NAT1: variants seen among roughly 807,000 people sequenced by gnomAD.
NAT1 encodes the protein N-acetyltransferase 1.
For missense variants in NAT1, 400 were observed against 339.2 expected, an observed-to-expected ratio of 1.18 and a Z score of -1.41; for synonymous variants, 144 against 122.6, an observed-to-expected ratio of 1.17 and a Z score of -1.16.
rs1016224912 is a variant in NAT1 at position 18,221,914 on chromosome 8, C to T, written c.-6-128C>T. 4.1e-6 allele frequency: 4 copies of T among 985,902 alleles called. No homozygotes were observed. The African/African-American group carries it at 5.0e-5, about 12-fold the overall frequency. 61.1% of individuals were successfully genotyped at this position (985,902 alleles called of 1,614,324 possible). ...GTAAAAGGAATTCATACAATGAAAG[C>T]ACTAGAAATAATTATTATACTTATA... is the stretch of plus-strand genomic sequence containing the variant. On this transcript the variant is annotated intron_variant, in intron 2 of 2. Coordinates refer to ENST00000307719, the MANE Select transcript of NAT1 (RefSeq NM_000662.8).
At chr8:18,203,749 G>T (rs377057599) in intron 2 of NAT1, among the ~76,000 whole-genome samples, 16 of 152,324 alleles carry the variant, frequency 1.1e-4, no homozygotes, top group African/African-American at 3.6e-4. Context: ...TAGGAGTTAA[G>T]AAGAAATTAC....
At chr8:18,216,571 C>T (rs763012868) in intron 1 of NAT1, among the ~76,000 whole-genome samples, 1 of 152,080 alleles carries the variant, frequency 6.6e-6, no homozygotes, top group Non-Finnish European at 1.5e-5. Flanking sequence ...ATCTGTATAC[C>T]ATTCTATCTC....
rs1219713157 is a variant in NAT1 at position 18,219,077 on chromosome 8, G to C, written c.-85-334G>C. Among the ~76,000 whole-genome samples, 4 of 152,180 alleles carry C rather than the reference G, an allele frequency of 2.6e-5. No individual in the cohort carries two copies. In the East Asian group the frequency reaches 7.7e-4, roughly 29 times the overall value. ...GGTATATGTCATGGTAGTGACTGGG[G>C]GCATGGAACTTGGTTCACCCTTCCT... is the stretch of plus-strand genomic sequence containing the variant. On this transcript the variant is annotated intron_variant, in intron 1 of 2. Coordinates refer to ENST00000307719, the MANE Select transcript of NAT1 (RefSeq NM_000662.8).
At chr8:18,182,262 G>A (rs969403115) in intron 2 of NAT1, among the ~76,000 whole-genome samples, 1 of 152,140 alleles carries the variant, frequency 6.6e-6, no homozygotes, top group Non-Finnish European at 1.5e-5. Flanking sequence ...GGCCTGTTCA[G>A]CTATTTTGCT....
chr8:18,182,480 A>G (rs1802559380), intron 2 of NAT1, among the ~76,000 whole-genome samples: 3 of 152,032 alleles, frequency 2.0e-5, no homozygotes, highest in Non-Finnish European at 1.5e-5. Flanking sequence ...TCCACCTAGG[A>G]TTGATTTTTG....
intron 2 of NAT1, among the ~76,000 whole-genome samples, chr8:18,187,673 A>G (rs1314870617): frequency 6.6e-6 from 1 of 152,050 alleles, no homozygotes; most frequent in East Asian, 1.9e-4. Context: ...GGACACGAAG[A>G]AGGGAATAAC....
chr8:18,219,545 C>A, intron 2 of NAT1, 56 bp downstream of exon 2: 1 of 930,648 alleles, frequency 1.1e-6, no homozygotes, highest in Non-Finnish European at 1.7e-6. Context: ...GTTCACTCTG[C>A]CTCCTTTAAG....
intron 2 of NAT1, among the ~76,000 whole-genome samples, chr8:18,187,748 T>G (rs774630701): frequency 2.0e-5 from 3 of 152,010 alleles, no homozygotes; most frequent in Non-Finnish European, 2.9e-5. Flanking sequence ...AAAATACCTG[T>G]AGGGTACTAT....
Position 18,222,324 on chromosome 8 carries a change from G to T in NAT1, c.277G>T (p.Val93Phe), listed in dbSNP as rs1003496685. The T allele has an allele frequency of 1.9e-6, 3 of 1,613,992 alleles. No individual in the cohort carries two copies. Among genetic ancestry groups the T allele is most frequent in the Non-Finnish European group, 2.5e-6 (3 of 1,180,024 alleles). Residue 93 changes from valine (V) to phenylalanine (F), a missense_variant, in exon 3 of 3, where the codon GTT (valine) becomes TTT (phenylalanine). Val to Phe is a conservative substitution (Grantham distance 50, BLOSUM62 -1). Coordinates refer to ENST00000307719, the MANE Select transcript of NAT1 (RefSeq NM_000662.8). ...TGAGACCACGATGTTGGGAGGGTAT[G>T]TTTACAGCACTCCAGCCAAAAAATA... Reference protein sequence around the residue: ...GFETTMLGGYVYSTPAKKYST... With the variant: ...GFETTMLGGYFYSTPAKKYST...
chr8:18,175,092 T>C (rs576180880), intron 2 of NAT1, among the ~76,000 whole-genome samples: 65 of 152,252 alleles, frequency 4.3e-4, no homozygotes, highest in African/African-American at 1.3e-3. Context: ...TTATTTATAA[T>C]TGACAAATAA....
chr8:18,184,161 C>A (rs1289097048), intron 2 of NAT1, among the ~76,000 whole-genome samples: 1 of 152,194 alleles, frequency 6.6e-6, no homozygotes, highest in African/African-American at 2.4e-5. Flanking sequence ...CCATAACATC[C>A]TTTGAAGTCT....
chr8:18,193,415 C>T (rs1330256924), intron 2 of NAT1, among the ~76,000 whole-genome samples: 5 of 145,558 alleles, frequency 3.4e-5, no homozygotes, highest in Non-Finnish European at 7.5e-5. Context: ...TGAGATCGTA[C>T]CACTGCACTC....
At chr8:18,211,409 T>C (rs561026503) in intron 1 of NAT1, 15 of 152,356 alleles carry the variant, frequency 9.8e-5, no homozygotes, top group African/African-American at 3.6e-4. Context: ...CTGTTTGCTC[T>C]TGAATGCTTG....
At chr8:18,216,836 A>G in intron 1 of NAT1, 2 of 1,243,458 alleles carry the variant, frequency 1.6e-6, no homozygotes, top group Admixed American at 4.3e-5. Flanking sequence ...CAAAAATGGT[A>G]AGGGGGAACT....
intron 2 of NAT1, among the ~76,000 whole-genome samples, chr8:18,193,905 T>A (rs1456662074): frequency 3.3e-5 from 5 of 152,078 alleles, no homozygotes; most frequent in Non-Finnish European, 7.4e-5. Flanking sequence ...CCTCCCAAAG[T>A]GCTGGGATTA....
chr8:18,218,042 GAGCAAGC>G (rs1224915917), intron 1 of NAT1, among the ~76,000 whole-genome samples: 1 of 152,184 alleles, frequency 6.6e-6, no homozygotes. Flanking sequence ...AGACATCCTT[GAGCAAGC>G]GTTCCTCTTC....
chr8:18,177,220 T>C (rs1802328436), intron 2 of NAT1, among the ~76,000 whole-genome samples: 1 of 152,108 alleles, frequency 6.6e-6, no homozygotes, highest in Non-Finnish European at 1.5e-5. Flanking sequence ...AGAATTACAG[T>C]ATCTTTTCTT....
At chr8:18,194,556 C>T (rs1032938632) in intron 2 of NAT1, among the ~76,000 whole-genome samples, 11 of 152,102 alleles carry the variant, frequency 7.2e-5, no homozygotes, top group Non-Finnish European at 1.6e-4. Context: ...CACGGTGGCT[C>T]ACACCTGTAA....
chr8:18,217,028 C>G, intron 1 of NAT1: 1 of 1,410,866 alleles, frequency 7.1e-7, no homozygotes, highest in South Asian at 1.3e-5. Flanking sequence ...TCCAGTTTCG[C>G]ATACAAAAAG....
Sources: allele counts gnomAD v4.1 joint callset (sites outside exome capture counted in the v4.1 genomes callset), GRCh38; gene constraint gnomAD v4.1.1; transcripts MANE v1.5; gene names NCBI Gene and HGNC (gene_info 2026-07-23, HGNC 2026-07-21).